Variants in PBX3 observed in about 807,000 individuals in gnomAD.
The protein encoded by PBX3 is pre-B-cell leukemia transcription factor 3.
Under a neutral mutation model 48.5 loss-of-function variants are expected in PBX3, and 14 were observed. The observed-to-expected ratio is 0.29, with a 90% CI of 0.19 to 0.45. The LOEUF (loss-of-function observed/expected upper bound fraction) is 0.45, where lower values mean the gene tolerates loss of function less well. Among genes scored for constraint, PBX3 ranks in the 20% least tolerant of loss-of-function variants. The pLI is 1.00. For missense variants in PBX3, 386 were observed against 546.7 expected (o/e 0.71, Z 2.93); for synonymous variants, 210 against 200.3 (o/e 1.05, Z -0.41).
At chr9:125,930,771 G>A (rs1009941052) in intron 4 of PBX3, among the ~76,000 whole-genome samples, 10 of 152,080 alleles carry the variant, frequency 6.6e-5, no homozygotes, top group Non-Finnish European at 1.3e-4. Flanking sequence ...TAGTCTCCCT[G>A]TCTCCAGTCC....
chr9:125,900,991 CA>C (rs1840932188), intron 2 of PBX3, among the ~76,000 whole-genome samples: 1 of 151,718 alleles, frequency 6.6e-6, no homozygotes, highest in Non-Finnish European at 1.5e-5. Flanking sequence ...TGAGAATCCT[CA>C]AATCATTTCT....
rs534845877 is a variant in PBX3 at position 125,876,620 on chromosome 9, T to A, written c.275-39066T>A. Among the ~76,000 whole-genome samples, 340 of 152,284 alleles carry A rather than the reference T, an allele frequency of 2.2e-3. 1 individual carries two copies. Among genetic ancestry groups the A allele is most frequent in the Non-Finnish European group, 3.7e-3 (249 of 68,014 alleles). Reference sequence around the variant, plus strand: ...AATAGGTGTTAATCGACTGTTTCTGTTATCAGTAAGGCTTCCAGTCAACAG... The same window carrying A: ...AATAGGTGTTAATCGACTGTTTCTGATATCAGTAAGGCTTCCAGTCAACAG... On this transcript the variant is annotated intron_variant, in intron 2 of 8. Coordinates refer to ENST00000373489, the MANE Select transcript of PBX3 (RefSeq NM_006195.6).
intron 2 of PBX3, among the ~76,000 whole-genome samples, chr9:125,889,260 C>G (rs10987006): frequency 0.54 from 81,402 of 152,144 alleles, 23,963 homozygotes; most frequent in South Asian, 0.65. Context: ...GGGCCTTTCC[C>G]TCTCTGGCTG....
At chr9:125,785,450 C>T (rs1014822676) in intron 2 of PBX3, among the ~76,000 whole-genome samples, 3 of 152,214 alleles carry the variant, frequency 2.0e-5, no homozygotes, top group African/African-American at 7.2e-5. Context: ...TGTCCTTGGA[C>T]ATCAGACTCC....
chr9:125,783,870 G>A (rs1320608925), intron 2 of PBX3, among the ~76,000 whole-genome samples: 6 of 151,904 alleles, frequency 3.9e-5, no homozygotes, highest in Admixed American at 6.6e-5. Flanking sequence ...GCATGGTGGC[G>A]CACGCCTATA....
chr9:125,868,392 A>G (rs943185132), intron 2 of PBX3, among the ~76,000 whole-genome samples: 2 of 152,238 alleles, frequency 1.3e-5, no homozygotes, highest in Non-Finnish European at 2.9e-5. Flanking sequence ...TTGAATGTGC[A>G]GAAAAACCTC....
At chr9:125,880,256 G>A (rs1024454324) in intron 2 of PBX3, among the ~76,000 whole-genome samples, 7 of 152,152 alleles carry the variant, frequency 4.6e-5, no homozygotes, top group Admixed American at 2.0e-4. Context: ...TGTTGGCCAG[G>A]CTGGTCTTGA....
intron 2 of PBX3, among the ~76,000 whole-genome samples, chr9:125,808,996 T>C (rs868407975): frequency 3.9e-5 from 6 of 152,286 alleles, no homozygotes; most frequent in Middle Eastern, 6.8e-3. Context: ...TTGAGTGCCA[T>C]TTTAAACAGG....
chr9:125,750,719 C>A (rs1223944363), intron 2 of PBX3, among the ~76,000 whole-genome samples: 1 of 152,210 alleles, frequency 6.6e-6, no homozygotes, highest in Non-Finnish European at 1.5e-5. Flanking sequence ...TGCACGTTAT[C>A]TCTTTTGTAA....
In PBX3 at chr9:125,853,256, A is replaced by G. The variant is rs182941784; in HGVS notation, c.275-62430A>G. ...ATGCTGACAAATTAAGGTCTCACTG[A>G]TTTACCTCAAAATATAGCCATGATT... is the stretch of plus-strand genomic sequence containing the variant. On this transcript the variant is annotated intron_variant, in intron 2 of 8. Transcript: ENST00000373489. Among the ~76,000 whole-genome samples the G allele has an allele frequency of 3.3e-5, 5 of 152,272 alleles. No individual in the cohort carries two copies. In the East Asian group the frequency reaches 9.6e-4, roughly 29 times the overall value.
chr9:125,774,492 T>C (rs969484767), intron 2 of PBX3, among the ~76,000 whole-genome samples: 2 of 152,208 alleles, frequency 1.3e-5, no homozygotes, highest in Non-Finnish European at 2.9e-5. Flanking sequence ...ATAAATGGGA[T>C]CATACAGTAT....
At chr9:125,862,455 C>T (rs774005621) in intron 2 of PBX3, among the ~76,000 whole-genome samples, 92 of 150,886 alleles carry the variant, frequency 6.1e-4, no homozygotes, top group East Asian at 2.0e-4. Flanking sequence ...GGCACAATCT[C>T]GGCTCACTAC....
In PBX3 at chr9:125,816,712, C is replaced by T. The variant is rs559489405; in HGVS notation, c.274+68089C>T. Among the ~76,000 whole-genome samples, 108 of 152,218 alleles carry T rather than the reference C, an allele frequency of 7.1e-4. No individual in the cohort carries two copies. The Middle Eastern group carries it at 0.01, about 14-fold the overall frequency. On this transcript the variant is annotated intron_variant, in intron 2 of 8. Coordinates refer to ENST00000373489, the MANE Select transcript of PBX3 (RefSeq NM_006195.6). ...CTTTTGACTGGGGAAAGGGTTGTGT[C>T]TGTCCTCAAGTTTTAGTCTGTCTCT... is the stretch of plus-strand genomic sequence containing the variant.
At chr9:125,758,275 G>C (rs1836574276) in intron 2 of PBX3, among the ~76,000 whole-genome samples, 1 of 151,464 alleles carries the variant, frequency 6.6e-6, no homozygotes. Context: ...TAATGTTATA[G>C]TTCTAACATC....
chr9:125,866,751 A>G (rs532925065), intron 2 of PBX3, among the ~76,000 whole-genome samples: 66 of 152,310 alleles, frequency 4.3e-4, no homozygotes, highest in African/African-American at 1.6e-3. Context: ...AAAATAGCAT[A>G]ATATTTCTGC....
intron 2 of PBX3, among the ~76,000 whole-genome samples, chr9:125,872,673 T>G (rs1840154112): frequency 6.6e-6 from 1 of 150,834 alleles, no homozygotes; most frequent in Non-Finnish European, 1.5e-5. Flanking sequence ...GGCAGGAGGA[T>G]CGCTTGAGCC....
intron 2 of PBX3, among the ~76,000 whole-genome samples, chr9:125,896,349 T>C (rs566827855): frequency 6.6e-6 from 1 of 152,140 alleles, no homozygotes; most frequent in South Asian, 2.1e-4. Context: ...TCAAAAAAAC[T>C]GCCATATTTA....
chr9:125,779,225 T>C (rs953322811), intron 2 of PBX3, among the ~76,000 whole-genome samples: 13 of 148,384 alleles, frequency 8.8e-5, no homozygotes, highest in African/African-American at 3.0e-4. Context: ...TCTGTTGTCA[T>C]GTGTGTCAGA....
At chr9:125,801,117 A>G (rs1837931445) in intron 2 of PBX3, among the ~76,000 whole-genome samples, 1 of 152,188 alleles carries the variant, frequency 6.6e-6, no homozygotes, top group South Asian at 2.1e-4. Flanking sequence ...CATTCAATGA[A>G]TATTTGTTGA....
Sources: gnomAD v4.1 joint callset for allele counts (sites outside exome capture counted in the v4.1 genomes callset) on GRCh38, gnomAD v4.1.1 for gene constraint, MANE v1.5 for transcripts, NCBI Gene and HGNC (gene_info 2026-07-23, HGNC 2026-07-21) for gene names.